Variants in PTPRQ observed in about 807,000 individuals in gnomAD.
PTPRQ encodes the protein phosphatidylinositol phosphatase PTPRQ.
PTPRQ carries 199 observed loss-of-function variants against 246.0 expected under a neutral mutation model. The observed-to-expected ratio is 0.81, with a 90% CI of 0.72 to 0.91. The LOEUF is 0.91. PTPRQ is among the 40% of genes least tolerant of loss of function. The pLI is 0.00. For synonymous variants in PTPRQ, 869 were observed against 853.2 expected, an observed-to-expected ratio of 1.02 and a Z score of -0.32; for missense variants, 2,624 against 2,528.4, an observed-to-expected ratio of 1.04 and a Z score of -0.81.
chr12:80,622,198 G>A, intron 33 of PTPRQ, 64 bp downstream of exon 33: 27 of 1,130,148 alleles, frequency 2.4e-5, no homozygotes, highest in Non-Finnish European at 2.8e-5. Context: ...ACATTTATTA[G>A]TAAATGTATT....
chr12:80,585,693 G>T, intron 25 of PTPRQ, among the ~76,000 whole-genome samples: 1 of 151,334 alleles, frequency 6.6e-6, no homozygotes. Context: ...ACATGGCTAG[G>T]TCCCCTACCT....
chr12:80,522,623 T>G (rs866993960), intron 17 of PTPRQ, among the ~76,000 whole-genome samples: 2 of 152,228 alleles, frequency 1.3e-5, no homozygotes, highest in Non-Finnish European at 2.9e-5. Context: ...GAGATAATCA[T>G]GTGGTTTTTG....
intron 8 of PTPRQ, among the ~76,000 whole-genome samples, chr12:80,483,628 A>G (rs1398549403): frequency 6.6e-6 from 1 of 152,194 alleles, no homozygotes; most frequent in Non-Finnish European, 1.5e-5. Flanking sequence ...GTACATGTGC[A>G]GAACGTATAG....
rs370347187 is a variant in PTPRQ at position 80,558,119 on chromosome 12, CTTTCTTTTCTTTTCT to C, written c.4285+8423_4285+8437del. 2.3e-3 allele frequency among the ~76,000 whole-genome samples: 223 copies of C among 95,660 alleles called. 2 individuals carry two copies. Among genetic ancestry groups the C allele is most frequent in the South Asian group, 0.019 (48 of 2,562 alleles). 62.8% of individuals were successfully genotyped at this position (95,660 alleles called of 152,430 possible). ...CCCTCCTTTCTTCTTTCTTTTCTTT[CTTTCTTTTCTTTTCT>C]TTTCTTTTCTTTTCTTTTCTTTTCT... On this transcript the variant is annotated intron_variant, in intron 25 of 44. Transcript: ENST00000644991.
intron 43 of PTPRQ, among the ~76,000 whole-genome samples, chr12:80,678,013 CAG>C (rs1901200900): frequency 6.6e-6 from 1 of 152,064 alleles, no homozygotes; most frequent in South Asian, 2.1e-4. Flanking sequence ...CCCAAACATT[CAG>C]ATGCAATGGT....
At chr12:80,499,577 A>T (rs1462288403) in intron 14 of PTPRQ, among the ~76,000 whole-genome samples, 2 of 151,524 alleles carry the variant, frequency 1.3e-5, no homozygotes, top group Non-Finnish European at 2.9e-5. Flanking sequence ...ATATGGGCCC[A>T]CTCTTCAATA....
intron 35 of PTPRQ, among the ~76,000 whole-genome samples, chr12:80,639,225 C>T (rs949158149): frequency 1.3e-5 from 2 of 152,178 alleles, no homozygotes; most frequent in Non-Finnish European, 2.9e-5. Flanking sequence ...TTTTCGTAAG[C>T]TAAAAATGCT....
chr12:80,588,498 G>A, intron 26 of PTPRQ, 46 bp downstream of exon 26: 2 of 1,420,922 alleles, frequency 1.4e-6, no homozygotes, highest in Non-Finnish European at 1.8e-6. Flanking sequence ...GTTATATTCT[G>A]TATCTGTCTA....
intron 25 of PTPRQ, among the ~76,000 whole-genome samples, chr12:80,567,273 C>A (rs764863843): frequency 5.3e-5 from 8 of 152,110 alleles, no homozygotes; most frequent in Non-Finnish European, 1.0e-4. Context: ...CTTTTAATTT[C>A]TATATACATG....
At chr12:80,503,943 G>A (rs921728862) in intron 14 of PTPRQ, among the ~76,000 whole-genome samples, 3 of 131,294 alleles carry the variant, frequency 2.3e-5, no homozygotes, top group Non-Finnish European at 4.8e-5. Flanking sequence ...CTATGTAGAA[G>A]ATTTTTTTTT....
At chr12:80,562,285 A>G (rs1896850527) in intron 25 of PTPRQ, among the ~76,000 whole-genome samples, 1 of 152,196 alleles carries the variant, frequency 6.6e-6, no homozygotes, top group Non-Finnish European at 1.5e-5. Context: ...GTTACTGTAT[A>G]AGAGTAATAC....
At chr12:80,468,251 G>A (rs895167581) in intron 6 of PTPRQ, among the ~76,000 whole-genome samples, 9 of 151,996 alleles carry the variant, frequency 5.9e-5, no homozygotes, top group South Asian at 2.1e-4. Flanking sequence ...GATACAAAAA[G>A]TAAAAATTAT....
chr12:80,652,124 TA>T (rs1052024815), intron 37 of PTPRQ, among the ~76,000 whole-genome samples: 1 of 152,176 alleles, frequency 6.6e-6, no homozygotes, highest in Non-Finnish European at 1.5e-5. Flanking sequence ...CCAGACTTTT[TA>T]ATGATGCTTG....
chr12:80,468,761 C>T lies in PTPRQ; in HGVS notation c.962C>T (p.Ser321Phe). Residue 321 changes from serine (S) to phenylalanine (F), a missense_variant, in exon 7 of 45, where the codon TCC becomes TTC. Coordinates refer to ENST00000644991, the MANE Select transcript of PTPRQ (RefSeq NM_001145026.2). Reference protein sequence around the residue: ...NCVTGNITGKSFSILWDPPTI... With the variant: ...NCVTGNITGKFFSILWDPPTI... ...GTAACAGGCAACATCACAGGAAAGTCCTTTTCAATTTTATGGGACCCACCA... is the reference window on the plus strand; with the variant it reads ...GTAACAGGCAACATCACAGGAAAGTTCTTTTCAATTTTATGGGACCCACCA... The T allele has an allele frequency of 6.5e-7, 1 of 1,550,184 alleles. No individual in the cohort carries two copies. The highest frequency in any genetic ancestry group is 8.7e-7 in the Non-Finnish European group (1 of 1,146,314).
chr12:80,447,418 C>A (rs958671869), intron 3 of PTPRQ, among the ~76,000 whole-genome samples: 1 of 151,880 alleles, frequency 6.6e-6, no homozygotes, highest in Non-Finnish European at 1.5e-5. Flanking sequence ...CCATTTAAGT[C>A]TATTTTAGTT....
chr12:80,614,729 T>C (rs1227749925), intron 29 of PTPRQ, among the ~76,000 whole-genome samples: 1 of 150,828 alleles, frequency 6.6e-6, no homozygotes, highest in Admixed American at 6.6e-5. Context: ...GTTCAAATAC[T>C]GGCGTCTGTG....
At chr12:80,635,734 C>T (rs1039979664) in intron 35 of PTPRQ, among the ~76,000 whole-genome samples, 3 of 151,932 alleles carry the variant, frequency 2.0e-5, no homozygotes, top group Admixed American at 6.6e-5. Flanking sequence ...AATGTTGGCA[C>T]ATTATAAAAA....
chr12:80,456,691 T>G (rs1892992905), intron 3 of PTPRQ, among the ~76,000 whole-genome samples: 2 of 152,176 alleles, frequency 1.3e-5, no homozygotes. Flanking sequence ...ATCATTCTTG[T>G]GACCTTTACT....
intron 42 of PTPRQ, among the ~76,000 whole-genome samples, chr12:80,671,450 A>G (rs149661141): frequency 2.2e-4 from 33 of 152,220 alleles, no homozygotes; most frequent in African/African-American, 7.9e-4. Context: ...ATGCAAATAC[A>G]CTGCCATGGG....
Sources: allele counts gnomAD v4.1 joint callset (sites outside exome capture counted in the v4.1 genomes callset), GRCh38; gene constraint gnomAD v4.1.1; transcripts MANE v1.5; gene names NCBI Gene and HGNC (gene_info 2026-07-23, HGNC 2026-07-21).